BBOX1: variants seen among roughly 807,000 people sequenced by gnomAD.
The protein encoded by BBOX1 is gamma-butyrobetaine hydroxylase 1, also known as gamma-butyrobetaine dioxygenase.
A neutral mutation model predicts 41.6 loss-of-function variants in BBOX1; 35 were observed. The observed-to-expected ratio is 0.84, with a 90% confidence interval of 0.64 to 1.11. The LOEUF is 1.11. Ranked by LOEUF, BBOX1 falls within the 50% of genes most tolerant of loss-of-function variation. The pLI is 0.00. For missense variants in BBOX1, 458 were observed against 460.6 expected (o/e 0.99, Z 0.05); for synonymous variants, 163 against 154.7 (o/e 1.05, Z -0.40).
chr11:27,067,873 C>A (rs1394552561), intron 4 of BBOX1, among the ~76,000 whole-genome samples: 1 of 152,028 alleles, frequency 6.6e-6, no homozygotes, highest in Non-Finnish European at 1.5e-5. Flanking sequence ...AGAATAAAGG[C>A]CTCCAGCTTC....
intron 2 of BBOX1, among the ~76,000 whole-genome samples, chr11:27,046,480 T>C (rs945588934): frequency 1.3e-5 from 2 of 151,188 alleles, no homozygotes; most frequent in African/African-American, 4.9e-5. Flanking sequence ...TGTATTAATA[T>C]GAAGTAAAAG....
At chr11:27,057,175 G>T in intron 3 of BBOX1, 26 bp from the exon 4 acceptor site, 1 of 1,480,358 alleles carries the variant, frequency 6.8e-7, no homozygotes, top group Non-Finnish European at 9.1e-7. Context: ...ATCCACATAG[G>T]TGAAATTTGC....
chr11:27,073,626 G>A (rs1268188805), intron 4 of BBOX1, among the ~76,000 whole-genome samples: 1 of 151,746 alleles, frequency 6.6e-6, no homozygotes, highest in Non-Finnish European at 1.5e-5. Flanking sequence ...TGTTTATTGC[G>A]GCACTATTCA....
At chr11:27,072,128 A>G (rs913785281) in intron 4 of BBOX1, among the ~76,000 whole-genome samples, 3 of 152,188 alleles carry the variant, frequency 2.0e-5, no homozygotes, top group African/African-American at 7.2e-5. Flanking sequence ...AGGAAGTCAA[A>G]TTGTCCCTGT....
At chr11:27,048,320 T>C (rs897456825) in intron 2 of BBOX1, among the ~76,000 whole-genome samples, 16 of 152,098 alleles carry the variant, frequency 1.1e-4, no homozygotes, top group African/African-American at 3.9e-4. Flanking sequence ...GAGTTTGGCA[T>C]TTTTAGATTC....
chr11:27,046,292 A>T (rs917203088), intron 2 of BBOX1: 1 of 152,186 alleles, frequency 6.6e-6, no homozygotes, highest in Non-Finnish European at 1.5e-5. Context: ...AGAAAAAGAA[A>T]AAAAAGGAGA....
At chr11:27,060,682 T>G (rs1204896375) in intron 4 of BBOX1, among the ~76,000 whole-genome samples, 1 of 152,214 alleles carries the variant, frequency 6.6e-6, no homozygotes, top group Non-Finnish European at 1.5e-5. Context: ...CCAAATAGGT[T>G]CACCATTTCT....
At chr11:27,050,093 C>T (rs943634895) in intron 2 of BBOX1, among the ~76,000 whole-genome samples, 1 of 152,112 alleles carries the variant, frequency 6.6e-6, no homozygotes, top group African/African-American at 2.4e-5. Context: ...TAACACTCCA[C>T]CATTTGTTGA....
At chr11:27,119,523 T>C (rs1233969311) in intron 6 of BBOX1, 126 bp from the exon 7 acceptor site, 1 of 567,086 alleles carries the variant, frequency 1.8e-6, no homozygotes, top group African/African-American at 2.0e-5. Flanking sequence ...TTTGAATCTT[T>C]AACACAGTAT....
chr11:27,116,959 T>C (rs1423144001), intron 6 of BBOX1, among the ~76,000 whole-genome samples: 1 of 151,980 alleles, frequency 6.6e-6, no homozygotes, highest in Admixed American at 6.6e-5. Context: ...AGGAGGGAAA[T>C]GCTCAGTGTG....
At chr11:27,078,359 C>T (rs910837286) in intron 4 of BBOX1, among the ~76,000 whole-genome samples, 14 of 151,970 alleles carry the variant, frequency 9.2e-5, no homozygotes, top group Admixed American at 7.2e-4. Context: ...TTTTGAGGTA[C>T]ATGTGCACAA....
At chr11:27,113,671 G>A (rs1264288677) in intron 5 of BBOX1, among the ~76,000 whole-genome samples, 1 of 151,768 alleles carries the variant, frequency 6.6e-6, no homozygotes, top group Admixed American at 6.6e-5. Context: ...AGGTTGGGAA[G>A]ACGGTGAGGA....
chr11:27,108,130 C>G (rs16916550), intron 5 of BBOX1, among the ~76,000 whole-genome samples: 2,376 of 152,134 alleles, frequency 0.016, 80 homozygotes, highest in African/African-American at 0.054. Flanking sequence ...TTATTCCCTG[C>G]CAGTTAGCTC....
chr11:27,112,821 T>C lies in BBOX1; in HGVS notation c.534-2631T>C, dbSNP rs533517887. On this transcript the variant is annotated intron_variant, in intron 5 of 8. Coordinates refer to ENST00000263182, the MANE Select transcript of BBOX1 (RefSeq NM_003986.3). ...ATTGACAAATAGGACCTAATTCAAC[T>C]AAAGAGCTTCTACACAGCAAAAGAA... Among the ~76,000 whole-genome samples, 7 of 152,042 alleles carry C rather than the reference T, an allele frequency of 4.6e-5. No homozygotes were observed. In the South Asian group the frequency reaches 1.4e-3, roughly 31 times the overall value.
intron 4 of BBOX1, chr11:27,057,570 G>C: frequency 2.5e-6 from 1 of 396,568 alleles, no homozygotes; most frequent in Non-Finnish European, 4.5e-6. Context: ...GTCATCTAAA[G>C]CAAAACCTGG....
intron 4 of BBOX1, among the ~76,000 whole-genome samples, chr11:27,081,907 G>A (rs1379146161): frequency 1.3e-5 from 2 of 152,050 alleles, no homozygotes; most frequent in African/African-American, 2.4e-5. Flanking sequence ...GGGGTTGTTT[G>A]TTTTTTTCTT....
intron 4 of BBOX1, among the ~76,000 whole-genome samples, chr11:27,071,924 A>G: frequency 6.6e-6 from 1 of 152,128 alleles, no homozygotes. Context: ...CATATCTCAA[A>G]ATAATAAGAG....
chr11:27,093,160 A>G lies in BBOX1; in HGVS notation c.335-8A>G. The G allele has an allele frequency of 6.2e-7, 1 of 1,610,998 alleles. No homozygotes were observed. The highest frequency in any genetic ancestry group is 8.5e-7 in the Non-Finnish European group (1 of 1,177,976). The stretch of plus-strand genomic sequence containing the variant: ...CCCATCTGATTTCTTCATTTTATCA[A>G]TTCACAGAATGCCAATACTGGGGCT... On this transcript the variant is annotated splice_region_variant and splice_polypyrimidine_tract_variant and intron_variant, in intron 4 of 8. Coordinates refer to ENST00000263182, the MANE Select transcript of BBOX1 (RefSeq NM_003986.3).
chr11:27,053,418 C>T (rs1856875860), intron 2 of BBOX1, among the ~76,000 whole-genome samples: 1 of 152,170 alleles, frequency 6.6e-6, no homozygotes, highest in Non-Finnish European at 1.5e-5. Flanking sequence ...ATAGTTGATA[C>T]ATTCTTATAG....
Sources: gnomAD v4.1 joint callset for allele counts (sites outside exome capture counted in the v4.1 genomes callset) on GRCh38, gnomAD v4.1.1 for gene constraint, MANE v1.5 for transcripts, NCBI Gene and HGNC (gene_info 2026-07-23, HGNC 2026-07-21) for gene names.